Variants in CAP1 observed in about 807,000 individuals in gnomAD.
The protein encoded by CAP1 is cyclase associated actin cytoskeleton regulatory protein 1.
In CAP1, 11 loss-of-function variants were observed where a neutral mutation model predicts 58.2. The ratio of observed to expected loss-of-function variants is 0.19; its 90% confidence interval spans 0.12 to 0.31. The LOEUF (loss-of-function observed/expected upper bound fraction) is 0.31, where lower values mean the gene tolerates loss of function less well. Among genes scored for constraint, CAP1 ranks in the 10% least tolerant of loss-of-function variants. The pLI is 1.00. For synonymous variants in CAP1, 183 were observed against 213.8 expected (o/e 0.86, Z 1.26); for missense variants, 423 against 587.5 (o/e 0.72, Z 2.89).
chr1:40,071,006 A>T (rs1647847799), intron 12 of CAP1, 27 bp downstream of exon 12: 1 of 1,585,632 alleles, frequency 6.3e-7, no homozygotes, highest in African/African-American at 1.4e-5. Flanking sequence ...CTTTAGTATG[A>T]TGTTAAAAAC....
At chr1:40,061,852 T>C in intron 4 of CAP1, 40 bp downstream of exon 4, 12 of 1,405,062 alleles carry the variant, frequency 8.5e-6, no homozygotes, top group Non-Finnish European at 1.2e-5. Context: ...GGTTTGATGC[T>C]CAGGACGAGT....
intron 1 of CAP1, among the ~76,000 whole-genome samples, chr1:40,046,751 TGTAA>T (rs1009301224): frequency 2.6e-5 from 4 of 151,982 alleles, no homozygotes; most frequent in Non-Finnish European, 5.9e-5. Context: ...TGTAACACAG[TGTAA>T]GTATTTGTTT....
intron 1 of CAP1, among the ~76,000 whole-genome samples, chr1:40,048,193 C>T: frequency 6.6e-6 from 1 of 151,854 alleles, no homozygotes; most frequent in East Asian, 1.9e-4. Context: ...CACCATCACG[C>T]CTGGCTAATT....
chr1:40,048,676 A>C (rs1469764363), intron 1 of CAP1, among the ~76,000 whole-genome samples: 1 of 152,160 alleles, frequency 6.6e-6, no homozygotes, highest in East Asian at 1.9e-4. Context: ...TTTTGCGTTC[A>C]AGTTTTTTTC....
intron 4 of CAP1, 40 bp downstream of exon 4, chr1:40,061,852 T>A: frequency 7.1e-7 from 1 of 1,405,064 alleles, no homozygotes; most frequent in Non-Finnish European, 1.0e-6. Context: ...GGTTTGATGC[T>A]CAGGACGAGT....
At position 40,061,828 on chromosome 1, in the gene CAP1, G is replaced by A. The variant is rs779604879; in HGVS notation, c.294+16G>A. ...GCCAGCAGAAGTAAGTTCACTACTA[G>A]CTGGTTTCATTTTGGTTTGATGCTC... On this transcript the variant is annotated intron_variant, in intron 4 of 12. Transcript: ENST00000372805. 6.2e-7 allele frequency: 1 copy of A among 1,603,670 alleles called. No homozygotes were observed. The highest frequency in any genetic ancestry group is 8.5e-7 in the Non-Finnish European group (1 of 1,170,554).
At chr1:40,065,038 C>G (rs554654794) in intron 6 of CAP1, among the ~76,000 whole-genome samples, 1 of 152,352 alleles carries the variant, frequency 6.6e-6, no homozygotes, top group East Asian at 1.9e-4. Flanking sequence ...GGAAATACTT[C>G]TGCTTCCACT....
In CAP1 at chr1:40,071,954, G is replaced by A. The variant is rs1245612937; in HGVS notation, c.*421G>A. The stretch of plus-strand genomic sequence containing the variant: ...GAGCATGAAGGTAGCAGAAGCTGGT[G>A]TGTTTCCAGATGGTTCTTCTAACCA... On this transcript the variant is annotated 3_prime_UTR_variant, in exon 13 of 13. Transcript: ENST00000372805. The A allele has an allele frequency of 2.2e-5, 9 of 409,234 alleles. No individual in the cohort carries two copies. Among genetic ancestry groups the A allele is most frequent in the Non-Finnish European group, 3.9e-5 (9 of 231,198 alleles). 25.4% of individuals were successfully genotyped at this position (409,234 alleles called of 1,614,324 possible). A position where few individuals can be genotyped will look rare whatever the true frequency, so the allele number is the denominator to read the frequency against.
At chr1:40,060,023 C>CCTT (rs1213249251) in intron 2 of CAP1, 44 bp from the exon 3 acceptor site, 1 of 1,506,512 alleles carries the variant, frequency 6.6e-7, no homozygotes, top group Non-Finnish European at 9.2e-7. Flanking sequence ...AAAGAAGCCT[C>CCTT]CTTCTGATGC....
At chr1:40,063,216 C>T (rs887874791) in intron 4 of CAP1, among the ~76,000 whole-genome samples, 14 of 151,154 alleles carry the variant, frequency 9.3e-5, no homozygotes, top group South Asian at 2.1e-4. Context: ...TTCTCTCTGT[C>T]GCCCAGGCTG....
At chr1:40,068,849 T>G (rs1647270787) in intron 8 of CAP1, among the ~76,000 whole-genome samples, 1 of 152,096 alleles carries the variant, frequency 6.6e-6, no homozygotes, top group Non-Finnish European at 1.5e-5. Context: ...TTATTTTTTT[T>G]GAGATGGGAG....
At chr1:40,053,510 G>A (rs1646474425) in intron 1 of CAP1, among the ~76,000 whole-genome samples, 1 of 152,070 alleles carries the variant, frequency 6.6e-6, no homozygotes, top group Non-Finnish European at 1.5e-5. Flanking sequence ...GAGTGTAATG[G>A]CGTGAACTCG....
intron 1 of CAP1, among the ~76,000 whole-genome samples, chr1:40,056,722 G>A (rs1159792717): frequency 6.6e-6 from 1 of 152,096 alleles, no homozygotes; most frequent in Non-Finnish European, 1.5e-5. Context: ...ACTACAACAA[G>A]GGTAGTCAGA....
chr1:40,053,286 G>A (rs1316990375), intron 1 of CAP1, among the ~76,000 whole-genome samples: 1 of 152,156 alleles, frequency 6.6e-6, no homozygotes, highest in African/African-American at 2.4e-5. Flanking sequence ...GAGACCTTGA[G>A]CCCATAGTGC....
chr1:40,061,858 C>A, intron 4 of CAP1, 46 bp downstream of exon 4: 1 of 1,341,246 alleles, frequency 7.5e-7, no homozygotes, highest in Non-Finnish European at 1.1e-6. Context: ...ATGCTCAGGA[C>A]GAGTTGAGAG....
rs751250328 is a variant in CAP1, at chr1:40,070,185, G to A, written c.1020G>A (p.Leu340=). 6.2e-7 allele frequency: 1 copy of A among 1,614,026 alleles called. No individual in the cohort carries two copies. The highest frequency in any genetic ancestry group is 8.5e-7 in the Non-Finnish European group (1 of 1,180,020). ...AAAATCAGGAAAATGTTTCCAACCT[G>A]GTGATTGAGGACACAGAGCTGAAAC... ...RVENQENVSN[L]VIEDTELKQV... The change falls in exon 10 of 13, where the codon CTG becomes CTA. Residue 340 remains leucine, a synonymous_variant. Coordinates refer to ENST00000372805, the MANE Select transcript of CAP1 (RefSeq NM_006367.4).
chr1:40,040,969 G>A (rs1012857497), intron 1 of CAP1, 168 bp downstream of exon 1: 3 of 152,824 alleles, frequency 2.0e-5, no homozygotes, highest in Admixed American at 6.5e-5. Flanking sequence ...TCTTGAGGTG[G>A]GGCCGGGGTG....
At chr1:40,044,383 G>A (rs1645984631) in intron 1 of CAP1, among the ~76,000 whole-genome samples, 1 of 152,160 alleles carries the variant, frequency 6.6e-6, no homozygotes, top group Non-Finnish European at 1.5e-5. Flanking sequence ...GAGAGTTCTC[G>A]AGCGGTATCT....
chr1:40,065,556 A>G (rs1243656419), intron 6 of CAP1, among the ~76,000 whole-genome samples: 1 of 152,232 alleles, frequency 6.6e-6, no homozygotes, highest in African/African-American at 2.4e-5. Flanking sequence ...GTGTTTTGAT[A>G]TATCCCACCA....
Sources: allele counts gnomAD v4.1 joint callset (sites outside exome capture counted in the v4.1 genomes callset), GRCh38; gene constraint gnomAD v4.1.1; transcripts MANE v1.5; gene names NCBI Gene and HGNC (gene_info 2026-07-23, HGNC 2026-07-21).